The following PDE1B variants were observed in gnomAD, a reference collection of about 807,000 sequenced individuals.
PDE1B encodes phosphodiesterase 1B.
In PDE1B, 13 loss-of-function variants were observed where a neutral mutation model predicts 66.7. The ratio of observed to expected loss-of-function variants is 0.19; its 90% confidence interval spans 0.13 to 0.31. The LOEUF is 0.31. PDE1B is among the 10% of genes least tolerant of loss of function. The probability of loss-of-function intolerance (pLI) is 1.00; values close to 1 mark genes in which losing one functional copy is unlikely to be tolerated. For synonymous variants in PDE1B, 230 were observed against 253.9 expected, an observed-to-expected ratio of 0.91 and a Z score of 0.90; for missense variants, 485 against 682.3, an observed-to-expected ratio of 0.71 and a Z score of 3.22.
At chr12:54,567,162 A>G in intron 3 of PDE1B, 75 bp downstream of exon 3, 1 of 743,030 alleles carries the variant, frequency 1.3e-6, no homozygotes, top group South Asian at 1.6e-5. Flanking sequence ...TAAGACAAAG[A>G]TAGACACATG....
At chr12:54,572,912 T>C (rs1246670299) in intron 7 of PDE1B, among the ~76,000 whole-genome samples, 171 bp downstream of exon 7, 1 of 152,138 alleles carries the variant, frequency 6.6e-6, no homozygotes, top group Admixed American at 6.5e-5. Flanking sequence ...CCAGGTAGAC[T>C]AAAACTCGTT....
intron 2 of PDE1B, among the ~76,000 whole-genome samples, chr12:54,562,141 A>G (rs1428119381): frequency 1.3e-5 from 2 of 151,938 alleles, no homozygotes; most frequent in African/African-American, 2.4e-5. Flanking sequence ...TAAGCCCCCT[A>G]CTTATGGTGA....
At chr12:54,560,055 T>C (rs538530624) in intron 2 of PDE1B, among the ~76,000 whole-genome samples, 108 of 152,286 alleles carry the variant, frequency 7.1e-4, no homozygotes, top group Non-Finnish European at 9.8e-4. Context: ...AAGAGATGGA[T>C]ACAGAGAGAG....
rs568969611 is a variant in PDE1B, at chr12:54,570,332, G to T, written c.569G>T (p.Arg190Leu). Residue 190 changes from arginine to leucine, a missense_variant, in exon 6 of 16, where the codon CGG (arginine) becomes CTG (leucine). This residue lies in a region of PDE1B where 282 missense variants were observed against 453.4 expected (regional missense o/e 0.62). Coordinates refer to ENST00000243052, the MANE Select transcript of PDE1B (RefSeq NM_000924.4). Reference sequence around the variant, plus strand: ...ACCATTGTTTTTGAGTTGCTGACTCGGCATAACCTCATCAGCCGCTTCAAG... The same window carrying T: ...ACCATTGTTTTTGAGTTGCTGACTCTGCATAACCTCATCAGCCGCTTCAAG... ...LRTIVFELLTRHNLISRFKIP... is the reference protein window; with the variant it reads ...LRTIVFELLTLHNLISRFKIP... 1 of 1,611,004 alleles carries T rather than the reference G, an allele frequency of 6.2e-7. No individual in the cohort carries two copies. The highest frequency in any genetic ancestry group is 2.2e-5 in the East Asian group (1 of 44,872).
Position 54,573,868 on chromosome 12 carries a change from AGAGTGT to A in PDE1B, c.1064+161_1064+166del. On this transcript the variant is annotated intron_variant, in intron 10 of 15. Transcript: ENST00000243052. The surrounding 1 kb of genome is among the most constrained non-coding windows in gnomAD (Gnocchi z 5.2). ...CTGCATCTCTATGTGAGAGAGAGAGAGAGTGTGTGTGTGTGTGTGTGTGTGTGTGTG... is the reference window on the plus strand; with the variant it reads ...CTGCATCTCTATGTGAGAGAGAGAGAGTGTGTGTGTGTGTGTGTGTGTGTG... The A allele has an allele frequency of 3.7e-6, 2 of 534,004 alleles. No homozygotes were observed. The highest frequency in any genetic ancestry group is 3.3e-6 in the Non-Finnish European group (1 of 299,000). 33.1% of individuals were successfully genotyped at this position (534,004 alleles called of 1,614,324 possible).
chr12:54,577,203 C>A (rs1305102270), intron 14 of PDE1B, 22 bp from the exon 15 acceptor site: 2 of 1,596,548 alleles, frequency 1.3e-6, no homozygotes, highest in Admixed American at 1.7e-5. Context: ...CTAAGCTCAG[C>A]CTCCTTTATG....
chr12:54,573,585 C>T lies in PDE1B; in HGVS notation c.963-23C>T. On this transcript the variant is annotated intron_variant, in intron 9 of 15. Transcript: ENST00000243052. The surrounding 1 kb of genome is among the most constrained non-coding windows in gnomAD (Gnocchi z 5.2). ...CCAGCAGCGCTGAGGGGACTGATTG[C>T]TTCTCTTTTTATGTCCGCTCAGAGA... 2 of 1,611,762 alleles carry T rather than the reference C, an allele frequency of 1.2e-6. No homozygotes were observed. Among genetic ancestry groups the T allele is most frequent in the South Asian group, 1.1e-5 (1 of 91,016 alleles).
chr12:54,550,149 G>T, intron 2 of PDE1B, 164 bp downstream of exon 2: 1 of 1,435,912 alleles, frequency 7.0e-7, no homozygotes, highest in Middle Eastern at 2.4e-4. Flanking sequence ...CAGGCCACAT[G>T]TGCAAGGCAT....
rs1301420021 is a variant in PDE1B at position 54,575,758 on chromosome 12, A to G, written c.1267+126A>G. ...CCTGTAGAGGAAAGCCTACTGTGCT[A>G]GAGCATGGGGTCCTGGGTTAGGAGG... On this transcript the variant is annotated intron_variant, in intron 12 of 15. Transcript: ENST00000243052. The surrounding 1 kb of genome is among the most constrained non-coding windows in gnomAD (Gnocchi z 4.0). 6.1e-6 allele frequency: 5 copies of G among 816,162 alleles called. No homozygotes were observed. Among genetic ancestry groups the G allele is most frequent in the Non-Finnish European group, 1.0e-5 (5 of 481,274 alleles). The allele number at this position is 816,162 out of a possible 1,614,324, so 50.6% of individuals were successfully genotyped here.
chr12:54,550,800 G>A (rs989235020), intron 2 of PDE1B, among the ~76,000 whole-genome samples: 1 of 152,180 alleles, frequency 6.6e-6, no homozygotes, highest in African/African-American at 2.4e-5. Flanking sequence ...GGAATAAATG[G>A]GGGAAGGAAG....
In PDE1B at chr12:54,576,121, C is replaced by T. The variant is rs1957738966; in HGVS notation, c.1376+21C>T. The T allele has an allele frequency of 2.1e-6, 3 of 1,451,860 alleles. No homozygotes were observed. In the East Asian group the frequency reaches 6.8e-5, roughly 33 times the overall value. The allele number at this position is 1,451,860 out of a possible 1,614,324, so 89.9% of individuals were successfully genotyped here. A position where few individuals can be genotyped will look rare whatever the true frequency, so the allele number is the denominator to read the frequency against. ...CCCAGGTGAGGGTGGCTGGGGTAGC[C>T]AGATATCTTGGTTCAGGAAGGCAGT... On this transcript the variant is annotated intron_variant, in intron 13 of 15. Transcript: ENST00000243052.
At position 54,575,361 on chromosome 12, in the gene PDE1B, A is replaced by T. The variant is rs1159636762; in HGVS notation, c.1185+143A>T. 1 of 810,676 alleles carries T rather than the reference A, an allele frequency of 1.2e-6. No homozygotes were observed. The highest frequency in any genetic ancestry group is 2.0e-5 in the Admixed American group (1 of 50,612). 50.2% of individuals were successfully genotyped at this position (810,676 alleles called of 1,614,324 possible). ...TCCCAAATCCTTGGGGTAAAACCCCATTATCCTAAAAGCCTAACAATAGTT... is the reference window on the plus strand; with the variant it reads ...TCCCAAATCCTTGGGGTAAAACCCCTTTATCCTAAAAGCCTAACAATAGTT... On this transcript the variant is annotated intron_variant, in intron 11 of 15. Coordinates refer to ENST00000243052, the MANE Select transcript of PDE1B (RefSeq NM_000924.4). The surrounding 1 kb of genome is among the most constrained non-coding windows in gnomAD (Gnocchi z 4.0).
At chr12:54,568,365 G>A (rs894057174) in intron 3 of PDE1B, among the ~76,000 whole-genome samples, 1 of 151,914 alleles carries the variant, frequency 6.6e-6, no homozygotes, top group Admixed American at 6.6e-5. Context: ...GGGAGGCTGA[G>A]GGGGGAGGAT....
intron 2 of PDE1B, among the ~76,000 whole-genome samples, chr12:54,566,392 AG>A: frequency 6.6e-6 from 1 of 152,182 alleles, no homozygotes; most frequent in Non-Finnish European, 1.5e-5. Flanking sequence ...GCCTGCATGG[AG>A]AGAGGCCAGG....
rs1957707736 is a variant in PDE1B, at chr12:54,575,037, G to A, written c.1065-61G>A. 2.7e-6 allele frequency: 4 copies of A among 1,464,750 alleles called. No homozygotes were observed. The highest frequency in any genetic ancestry group is 3.8e-6 in the Non-Finnish European group (4 of 1,056,896). 90.7% of individuals were successfully genotyped at this position (1,464,750 alleles called of 1,614,324 possible). A position where few individuals can be genotyped will look rare whatever the true frequency, so the allele number is the denominator to read the frequency against. On this transcript the variant is annotated intron_variant, in intron 10 of 15. Coordinates refer to ENST00000243052, the MANE Select transcript of PDE1B (RefSeq NM_000924.4). The surrounding 1 kb of genome is among the most constrained non-coding windows in gnomAD (Gnocchi z 4.0). ...GGGTGTGCGTGGGAAGTTAGGGAAT[G>A]GTCCTAACTTCCTTTTCCTAAAAGA...
At chr12:54,568,669 A>G (rs982352022) in intron 3 of PDE1B, among the ~76,000 whole-genome samples, 6 of 152,020 alleles carry the variant, frequency 3.9e-5, no homozygotes, top group African/African-American at 1.2e-4. Flanking sequence ...GGTGGTAGGC[A>G]CCTGTAATCC....
intron 2 of PDE1B, among the ~76,000 whole-genome samples, chr12:54,564,026 C>A (rs1957469902): frequency 6.6e-6 from 1 of 151,754 alleles, no homozygotes; most frequent in Non-Finnish European, 1.5e-5. Context: ...ATCTGTTGAA[C>A]CAAACATGAT....
chr12:54,573,555 C>G lies in PDE1B; in HGVS notation c.963-53C>G. On this transcript the variant is annotated intron_variant, in intron 9 of 15. Transcript: ENST00000243052. This position sits in a 1 kb window ranked among gnomAD's most constrained non-coding sequence, Gnocchi z 5.2. ...ACTCCATTTTCCACTTCCTGGACCT[C>G]CTGCCCAGCAGCGCTGAGGGGACTG... 1 of 1,611,062 alleles carries G rather than the reference C, an allele frequency of 6.2e-7. No individual in the cohort carries two copies. Among genetic ancestry groups the G allele is most frequent in the Non-Finnish European group, 8.5e-7 (1 of 1,177,202 alleles).
At position 54,575,764 on chromosome 12, in the gene PDE1B, T is replaced by G. The variant is rs564179625; in HGVS notation, c.1267+132T>G. The G allele has an allele frequency of 1.3e-6, 1 of 786,928 alleles. No individual in the cohort carries two copies. The highest frequency in any genetic ancestry group is 1.9e-5 in the Admixed American group (1 of 51,682). 48.7% of individuals were successfully genotyped at this position (786,928 alleles called of 1,614,324 possible). On this transcript the variant is annotated intron_variant, in intron 12 of 15. Transcript: ENST00000243052. This position sits in a 1 kb window ranked among gnomAD's most constrained non-coding sequence, Gnocchi z 4.0. The stretch of plus-strand genomic sequence containing the variant: ...GAGGAAAGCCTACTGTGCTAGAGCA[T>G]GGGGTCCTGGGTTAGGAGGCCAGGG...
Sources: gnomAD v4.1 joint callset for allele counts (sites outside exome capture counted in the v4.1 genomes callset) on GRCh38, gnomAD v4.1.1 for gene constraint, gnomAD v4.1.1 regional missense constraint, Gnocchi (gnomAD v3.1) non-coding constraint, MANE v1.5 for transcripts, NCBI Gene and HGNC (gene_info 2026-07-23, HGNC 2026-07-21) for gene names.